NKAIN2: variants seen among roughly 807,000 people sequenced by gnomAD.
The protein encoded by NKAIN2 is sodium/potassium-transporting ATPase subunit beta-1-interacting protein 2.
In NKAIN2, 14 loss-of-function variants were observed where a neutral mutation model predicts 32.6. That is an observed-to-expected ratio of 0.43 (90% CI 0.28 to 0.67). The LOEUF (loss-of-function observed/expected upper bound fraction) is 0.67, where lower values mean the gene tolerates loss of function less well. NKAIN2 is among the 30% of genes least tolerant of loss of function. NKAIN2 has a pLI of 0.17. For synonymous variants in NKAIN2, 80 were observed against 87.2 expected (o/e 0.92, Z 0.46); for missense variants, 198 against 258.3 (o/e 0.77, Z 1.60).
At chr6:124,795,985 G>A (rs1028484121) in intron 5 of NKAIN2, among the ~76,000 whole-genome samples, 2 of 152,100 alleles carry the variant, frequency 1.3e-5, no homozygotes, top group Admixed American at 1.3e-4. Flanking sequence ...GGACCTTGAA[G>A]TTTACATCTC....
chr6:124,043,241 T>C (rs894085744), intron 1 of NKAIN2, among the ~76,000 whole-genome samples: 4 of 152,070 alleles, frequency 2.6e-5, no homozygotes, highest in Admixed American at 2.6e-4. Flanking sequence ...CCTTTAATCC[T>C]AGACTACTCA....
chr6:123,860,657 C>G (rs1408237659), intron 1 of NKAIN2, among the ~76,000 whole-genome samples: 2 of 152,178 alleles, frequency 1.3e-5, no homozygotes, highest in African/African-American at 4.8e-5. Flanking sequence ...GTATTCTGTC[C>G]CCCTTGGCCT....
At chr6:124,805,422 G>C (rs1232199424) in intron 5 of NKAIN2, among the ~76,000 whole-genome samples, 1 of 152,108 alleles carries the variant, frequency 6.6e-6, no homozygotes, top group Non-Finnish European at 1.5e-5. Flanking sequence ...CAGACCTGCA[G>C]CTGAGGGTCC....
chr6:124,344,901 G>A (rs2115099225), intron 2 of NKAIN2, among the ~76,000 whole-genome samples: 1 of 152,272 alleles, frequency 6.6e-6, no homozygotes, highest in South Asian at 2.1e-4. Flanking sequence ...GGACATCCCT[G>A]TCTTGTGCCA....
At chr6:124,599,165 C>T (rs986466543) in intron 3 of NKAIN2, among the ~76,000 whole-genome samples, 1 of 151,856 alleles carries the variant, frequency 6.6e-6, no homozygotes, top group South Asian at 2.1e-4. Context: ...GTCTTTGGTG[C>T]CTCATCAAAC....
At chr6:124,103,612 A>C (rs1784986939) in intron 1 of NKAIN2, among the ~76,000 whole-genome samples, 1 of 152,192 alleles carries the variant, frequency 6.6e-6, no homozygotes, top group Non-Finnish European at 1.5e-5. Context: ...ATTATTACTA[A>C]ATGAAATAAT....
intron 3 of NKAIN2, among the ~76,000 whole-genome samples, chr6:124,438,264 T>C (rs1001032077): frequency 4.0e-5 from 6 of 151,050 alleles, no homozygotes; most frequent in Admixed American, 1.3e-4. Flanking sequence ...GCTTCTATAA[T>C]GTTTTTTTTC....
At chr6:124,772,340 T>A (rs1262873313) in intron 4 of NKAIN2, among the ~76,000 whole-genome samples, 1 of 152,150 alleles carries the variant, frequency 6.6e-6, no homozygotes, top group Non-Finnish European at 1.5e-5. Context: ...AATGGTGCCA[T>A]TCCCTGTGAC....
chr6:124,214,408 T>C (rs1007653760), intron 1 of NKAIN2, among the ~76,000 whole-genome samples: 2 of 152,206 alleles, frequency 1.3e-5, no homozygotes, highest in African/African-American at 4.8e-5. Context: ...TTTGTAATAA[T>C]AGCTGTGTTT....
intron 1 of NKAIN2, among the ~76,000 whole-genome samples, chr6:124,080,000 G>A (rs990886423): frequency 6.6e-6 from 1 of 151,982 alleles, no homozygotes; most frequent in South Asian, 2.1e-4. Flanking sequence ...GGAGGAAGTA[G>A]ATTGTAGACC....
chr6:124,296,434 T>G (rs960469561), intron 2 of NKAIN2, among the ~76,000 whole-genome samples: 2 of 152,106 alleles, frequency 1.3e-5, no homozygotes, highest in African/African-American at 4.8e-5. Flanking sequence ...TTTATGTAGC[T>G]AGGTATATGC....
chr6:124,193,720 G>A (rs183133237), intron 1 of NKAIN2, among the ~76,000 whole-genome samples: 2 of 152,226 alleles, frequency 1.3e-5, no homozygotes, highest in Non-Finnish European at 2.9e-5. Flanking sequence ...GACAAGTGGA[G>A]GGTGCGCAAG....
At chr6:124,464,523 A>C (rs1423942499) in intron 3 of NKAIN2, among the ~76,000 whole-genome samples, 1 of 151,758 alleles carries the variant, frequency 6.6e-6, no homozygotes, top group African/African-American at 2.4e-5. Flanking sequence ...CCTCTAAGGC[A>C]TATTTATTTC....
chr6:123,924,585 A>G (rs938009690), intron 1 of NKAIN2, among the ~76,000 whole-genome samples: 7 of 152,238 alleles, frequency 4.6e-5, no homozygotes, highest in African/African-American at 1.4e-4. Context: ...ATTTTTTACT[A>G]TAATAGAAGT....
At chr6:123,944,949 C>A (rs558558805) in intron 1 of NKAIN2, among the ~76,000 whole-genome samples, 2 of 152,044 alleles carry the variant, frequency 1.3e-5, no homozygotes, top group South Asian at 2.1e-4. Context: ...ACGTTACCCA[C>A]CCCCAACACA....
In NKAIN2 at chr6:123,918,108, T is replaced by G. The variant is rs567907762; in HGVS notation, c.54+113854T>G. Among the ~76,000 whole-genome samples the G allele has an allele frequency of 7.8e-4, 119 of 152,302 alleles. 1 individual carries two copies. Among genetic ancestry groups the G allele is most frequent in the South Asian group, 1.2e-3 (6 of 4,828 alleles). On this transcript the variant is annotated intron_variant, in intron 1 of 6. Transcript: ENST00000368417. Reference sequence around the variant, plus strand: ...ATTCTTGTTTATTGTATTTGTGGGATATATAATTGCATATTTCATCCCTAC... The same window carrying G: ...ATTCTTGTTTATTGTATTTGTGGGAGATATAATTGCATATTTCATCCCTAC...
At chr6:124,239,199 G>A (rs752401721) in intron 1 of NKAIN2, among the ~76,000 whole-genome samples, 8 of 152,064 alleles carry the variant, frequency 5.3e-5, no homozygotes, top group Non-Finnish European at 7.4e-5. Flanking sequence ...CAGGAAGAGC[G>A]AACTATCATA....
intron 4 of NKAIN2, among the ~76,000 whole-genome samples, chr6:124,660,605 G>A (rs1784711836): frequency 6.6e-6 from 1 of 152,168 alleles, no homozygotes; most frequent in African/African-American, 2.4e-5. Context: ...GTGGAGTGAA[G>A]GAATAGTTTG....
intron 3 of NKAIN2, among the ~76,000 whole-genome samples, chr6:124,502,561 T>C (rs1778333786): frequency 6.6e-6 from 1 of 152,188 alleles, no homozygotes; most frequent in African/African-American, 2.4e-5. Flanking sequence ...TGAGTAATGG[T>C]TTGTGTGTAG....
Sources: gnomAD v4.1 joint callset for allele counts (sites outside exome capture counted in the v4.1 genomes callset) on GRCh38, gnomAD v4.1.1 for gene constraint, MANE v1.5 for transcripts, NCBI Gene and HGNC (gene_info 2026-07-23, HGNC 2026-07-21) for gene names.